The following CNTNAP5 variants were observed in gnomAD, a reference collection of about 807,000 sequenced individuals.
CNTNAP5 encodes the protein contactin-associated protein-like 5.
A neutral mutation model predicts 150.2 loss-of-function variants in CNTNAP5; 72 were observed. That is an observed-to-expected ratio of 0.48 (90% CI 0.40 to 0.58). CNTNAP5 has a LOEUF of 0.58. Ranked by LOEUF, CNTNAP5 falls within the 20% of genes least tolerant of loss-of-function variation. CNTNAP5 has a pLI of 0.00. For synonymous variants in CNTNAP5, 672 were observed against 619.8 expected (o/e 1.08, Z -1.25); for missense variants, 1,636 against 1,626.2 (o/e 1.01, Z -0.10).
intron 18 of CNTNAP5, among the ~76,000 whole-genome samples, chr2:124,794,876 A>T (rs901638483): frequency 3.3e-5 from 5 of 152,204 alleles, no homozygotes; most frequent in Non-Finnish European, 5.9e-5. Context: ...AGCACTCATG[A>T]TAAACACGTA....
At chr2:124,599,715 T>C (rs182622976) in intron 11 of CNTNAP5, among the ~76,000 whole-genome samples, 63 of 152,316 alleles carry the variant, frequency 4.1e-4, no homozygotes, top group Non-Finnish European at 8.1e-4. Flanking sequence ...TACTCTATTA[T>C]CTCAGGGAGT....
intron 2 of CNTNAP5, among the ~76,000 whole-genome samples, chr2:124,233,174 T>G (rs1431837190): frequency 6.6e-6 from 1 of 152,104 alleles, no homozygotes; most frequent in Non-Finnish European, 1.5e-5. Context: ...GGCAGCATTG[T>G]CCTGGAACTG....
intron 1 of CNTNAP5, among the ~76,000 whole-genome samples, chr2:124,211,683 T>C (rs574712291): frequency 6.6e-6 from 1 of 152,300 alleles, no homozygotes; most frequent in East Asian, 1.9e-4. Flanking sequence ...TTCTAAATGT[T>C]TGGCATTGAC....
At chr2:124,614,749 C>G (rs538542423) in intron 12 of CNTNAP5, among the ~76,000 whole-genome samples, 1 of 152,240 alleles carries the variant, frequency 6.6e-6, no homozygotes, top group Middle Eastern at 3.4e-3. Context: ...TTTGCAGCAT[C>G]CTGTTTTATC....
At chr2:124,888,125 C>G (rs1573689541) in intron 21 of CNTNAP5, among the ~76,000 whole-genome samples, 3 of 151,948 alleles carry the variant, frequency 2.0e-5, no homozygotes, top group Admixed American at 2.0e-4. Flanking sequence ...TTTAATAGTC[C>G]TCAGTGTCTA....
rs1349592834 is a variant in CNTNAP5, at chr2:124,916,208, A to T, written c.*1920A>T. 6.6e-6 allele frequency among the ~76,000 whole-genome samples: 1 copy of T among 152,088 alleles called. No individual in the cohort carries two copies. The highest frequency in any genetic ancestry group is 2.4e-5 in the African/African-American group (1 of 41,432). On this transcript the variant is annotated 3_prime_UTR_variant, in exon 24 of 24. Transcript: ENST00000682447. Reference sequence around the variant, plus strand: ...TGGATTTGAGCTCAATCGCTTTATCATCTACATGATATCTTTTGGCTAGTA... The same window carrying T: ...TGGATTTGAGCTCAATCGCTTTATCTTCTACATGATATCTTTTGGCTAGTA...
intron 14 of CNTNAP5, 53 bp from the exon 15 acceptor site, chr2:124,763,619 C>A: frequency 6.4e-7 from 1 of 1,553,990 alleles, no homozygotes; most frequent in South Asian, 1.2e-5. Flanking sequence ...GGAAAAGAGT[C>A]CCTAGATTAT....
chr2:124,350,676 T>C (rs1466139024), intron 3 of CNTNAP5, among the ~76,000 whole-genome samples: 2 of 152,142 alleles, frequency 1.3e-5, no homozygotes, highest in African/African-American at 4.8e-5. Context: ...TATTAGGTTA[T>C]TTTATCTATA....
chr2:124,500,012 G>A (rs751325257), intron 7 of CNTNAP5, among the ~76,000 whole-genome samples: 2 of 151,958 alleles, frequency 1.3e-5, no homozygotes, highest in Admixed American at 1.3e-4. Context: ...CCTGAACGCT[G>A]GAGAAGACGA....
chr2:124,609,970 G>A (rs938814907), intron 12 of CNTNAP5, 50 bp downstream of exon 12: 1 of 1,555,154 alleles, frequency 6.4e-7, no homozygotes, highest in Non-Finnish European at 8.8e-7. Flanking sequence ...CTTCATGGAA[G>A]GAAGCAAAAA....
At chr2:124,125,779 A>T (rs1355598228) in intron 1 of CNTNAP5, among the ~76,000 whole-genome samples, 1 of 152,210 alleles carries the variant, frequency 6.6e-6, no homozygotes, top group East Asian at 1.9e-4. Context: ...CCGCTCAACT[A>T]TATGGAAACT....
At chr2:124,723,664 CA>C (rs369524295) in intron 13 of CNTNAP5, among the ~76,000 whole-genome samples, 178 of 152,202 alleles carry the variant, frequency 1.2e-3, no homozygotes, top group African/African-American at 4.1e-3. Flanking sequence ...AAGGTGTCAG[CA>C]GGGTTGGTTT....
intron 3 of CNTNAP5, among the ~76,000 whole-genome samples, chr2:124,311,934 G>A (rs2104658284): frequency 6.6e-6 from 1 of 152,228 alleles, no homozygotes; most frequent in South Asian, 2.1e-4. Context: ...GGTACTGCAG[G>A]GTACAAAGGA....
chr2:124,817,336 C>T (rs1037250060), intron 19 of CNTNAP5, among the ~76,000 whole-genome samples: 3 of 151,950 alleles, frequency 2.0e-5, no homozygotes, highest in African/African-American at 7.3e-5. Flanking sequence ...TTTGTAAAAG[C>T]ATATGGAGCA....
At chr2:124,549,960 C>T (rs1695593051) in intron 10 of CNTNAP5, among the ~76,000 whole-genome samples, 1 of 152,182 alleles carries the variant, frequency 6.6e-6, no homozygotes, top group Non-Finnish European at 1.5e-5. Flanking sequence ...TCTCTGTATC[C>T]ACGCTACCTG....
At chr2:124,434,031 G>A (rs1692459882) in intron 4 of CNTNAP5, among the ~76,000 whole-genome samples, 1 of 152,122 alleles carries the variant, frequency 6.6e-6, no homozygotes, top group African/African-American at 2.4e-5. Context: ...GACTTCTAGG[G>A]AGACAGTACT....
chr2:124,249,045 T>C (rs1273634938), intron 3 of CNTNAP5, among the ~76,000 whole-genome samples: 1 of 152,148 alleles, frequency 6.6e-6, no homozygotes, highest in Non-Finnish European at 1.5e-5. Context: ...CCTCTTAATC[T>C]AAAGTGAATG....
chr2:124,381,536 C>A (rs1033700428), intron 3 of CNTNAP5, among the ~76,000 whole-genome samples: 1 of 151,982 alleles, frequency 6.6e-6, no homozygotes, highest in African/African-American at 2.4e-5. Flanking sequence ...AGGATCACCC[C>A]CCCCTCCAAG....
chr2:124,690,014 C>G lies in CNTNAP5; in HGVS notation c.2077+42056C>G, dbSNP rs566813658. 5.5e-5 allele frequency among the ~76,000 whole-genome samples: 8 copies of G among 144,732 alleles called. No individual in the cohort carries two copies. The South Asian group carries it at 1.8e-3, about 32-fold the overall frequency. 94.9% of individuals were successfully genotyped at this position (144,732 alleles called of 152,430 possible). On this transcript the variant is annotated intron_variant, in intron 13 of 23. Coordinates refer to ENST00000682447, the MANE Select transcript of CNTNAP5 (RefSeq NM_001367498.1). ...CTGTTTTACAACTCTTTCATCTTCACTTACGGGAAATTTTTTTTTGTAATG... is the reference window on the plus strand; with the variant it reads ...CTGTTTTACAACTCTTTCATCTTCAGTTACGGGAAATTTTTTTTTGTAATG...
Sources: allele counts gnomAD v4.1 joint callset (sites outside exome capture counted in the v4.1 genomes callset), GRCh38; gene constraint gnomAD v4.1.1; transcripts MANE v1.5; gene names NCBI Gene and HGNC (gene_info 2026-07-23, HGNC 2026-07-21).